Variants in CASK observed in about 807,000 individuals in gnomAD.
CASK encodes peripheral plasma membrane protein CASK.
In CASK, 4 loss-of-function variants were observed where a neutral mutation model predicts 82.9. The observed-to-expected ratio is 0.05, with a 90% CI of 0.02 to 0.11. The LOEUF (loss-of-function observed/expected upper bound fraction) is 0.11. Among genes scored for constraint, CASK ranks in the 10% least tolerant of loss-of-function variants. CASK has a pLI of 1.00. For synonymous variants in CASK, 259 were observed against 253.5 expected (o/e 1.02, Z -0.20); for missense variants, 358 against 720.9 (o/e 0.50, Z 5.76).
chrX:41,891,960 T>C (rs1046510745), intron 1 of CASK, among the ~76,000 whole-genome samples: 1 of 111,033 alleles, frequency 9.0e-6, no homozygotes, highest in Non-Finnish European at 1.9e-5. Flanking sequence ...GAGGCCAAGG[T>C]GGGAGGACTG....
intron 25 of CASK, among the ~76,000 whole-genome samples, chrX:41,530,710 C>T (rs2064789042): frequency 8.9e-6 from 1 of 112,196 alleles, no homozygotes; most frequent in Non-Finnish European, 1.9e-5. Context: ...GTCAGATGAT[C>T]GTAGGATTTC....
chrX:41,810,586 A>G (rs990042733), intron 2 of CASK, among the ~76,000 whole-genome samples: 1 of 111,490 alleles, frequency 9.0e-6, no homozygotes, highest in Non-Finnish European at 1.9e-5. Flanking sequence ...TGAAGGAAGC[A>G]CTAAATATAG....
rs1437012436 is a variant in CASK, at chrX:41,913,665, G to A, written c.59+9265C>T. On this transcript the variant is annotated intron_variant, in intron 1 of 26. Transcript: ENST00000378163. The stretch of plus-strand genomic sequence containing the variant: ...AGAGCCTGTGTTTAGCACTGAGAAT[G>A]TGCACATTTGGAAATTGTTGAAACT... Among the ~76,000 whole-genome samples, 3 of 112,581 alleles carry A rather than the reference G, an allele frequency of 2.7e-5. No individual in the cohort carries two copies. The Admixed American group carries it at 2.8e-4, about 11-fold the overall frequency.
intron 5 of CASK, among the ~76,000 whole-genome samples, chrX:41,685,761 G>A (rs942274327): frequency 1.8e-5 from 2 of 112,022 alleles, no homozygotes; most frequent in Non-Finnish European, 3.8e-5. Context: ...GGGATTACAA[G>A]CATGAAGAAC....
intron 4 of CASK, among the ~76,000 whole-genome samples, chrX:41,742,753 T>C (rs1350991114): frequency 1.8e-5 from 2 of 112,025 alleles, no homozygotes; most frequent in Non-Finnish European, 3.8e-5. Context: ...AATGGAAGAA[T>C]CTACGCGCCC....
At chrX:41,785,002 C>CT (rs368185380) in intron 3 of CASK, among the ~76,000 whole-genome samples, 810 of 74,762 alleles carry the variant, frequency 0.011, 7 homozygotes, top group African/African-American at 0.02. Context: ...TTTCAAAATT[C>CT]TTTTTTTTTT....
At chrX:41,751,609 G>T (rs1246261068) in intron 3 of CASK, among the ~76,000 whole-genome samples, 1 of 110,575 alleles carries the variant, frequency 9.0e-6, no homozygotes, top group African/African-American at 3.3e-5. Flanking sequence ...ACAGGGTCCA[G>T]TTGCTTTTGC....
At chrX:41,674,867 T>C (rs1451217323) in intron 5 of CASK, among the ~76,000 whole-genome samples, 7 of 111,273 alleles carry the variant, frequency 6.3e-5, no homozygotes, top group Non-Finnish European at 1.1e-4. Flanking sequence ...ATGAATTTAA[T>C]ACATGTGTTC....
intron 5 of CASK, among the ~76,000 whole-genome samples, chrX:41,706,317 G>T (rs2067884232): frequency 9.0e-6 from 1 of 111,036 alleles, no homozygotes; most frequent in Non-Finnish European, 1.9e-5. Context: ...CAAGTCTCAT[G>T]GCCCAGTAGT....
intron 5 of CASK, among the ~76,000 whole-genome samples, chrX:41,693,211 G>T (rs1413022690): frequency 9.0e-6 from 1 of 111,349 alleles, no homozygotes; most frequent in African/African-American, 3.3e-5. Context: ...CACAATATAG[G>T]TGGTTCCTCT....
chrX:41,740,637 A>T (rs2147722119), intron 4 of CASK, among the ~76,000 whole-genome samples: 1 of 112,159 alleles, frequency 8.9e-6, no homozygotes, highest in South Asian at 3.7e-4. Flanking sequence ...CATTTTAAAA[A>T]TGAAAGGTAG....
intron 4 of CASK, among the ~76,000 whole-genome samples, chrX:41,742,645 C>T (rs377438434): frequency 3.6e-5 from 4 of 111,843 alleles, no homozygotes; most frequent in East Asian, 2.8e-4. Context: ...TTCTTGCAGT[C>T]GGTCTCACTA....
intron 2 of CASK, among the ~76,000 whole-genome samples, chrX:41,796,226 C>G (rs2069850462): frequency 8.9e-6 from 1 of 112,781 alleles, no homozygotes; most frequent in Admixed American, 9.3e-5. Context: ...GCTGCATAAC[C>G]TTAGAACATC....
intron 2 of CASK, among the ~76,000 whole-genome samples, chrX:41,792,873 C>T (rs1020093582): frequency 6.6e-4 from 73 of 111,212 alleles, no homozygotes; most frequent in African/African-American, 2.3e-3. Context: ...ATTTTAAGTG[C>T]TCAATAACTG....
At chrX:41,665,135 A>T in intron 7 of CASK, 142 bp downstream of exon 7, 1 of 516,089 alleles carries the variant, frequency 1.9e-6, no homozygotes, top group East Asian at 3.6e-5. Flanking sequence ...CACTGGATCA[A>T]TGATGTAAGC....
chrX:41,659,394 A>C (rs755717422), intron 8 of CASK, among the ~76,000 whole-genome samples: 8 of 109,704 alleles, frequency 7.3e-5, no homozygotes, highest in African/African-American at 2.3e-4. Flanking sequence ...CGCTAGGCTA[A>C]TTTTTGTACT....
chrX:41,820,200 AAAGGT>A (rs2070503552), intron 2 of CASK, among the ~76,000 whole-genome samples: 1 of 110,612 alleles, frequency 9.0e-6, no homozygotes, highest in African/African-American at 3.3e-5. Context: ...GCTAGGGCAT[AAAGGT>A]AAGAAAAAGA....
chrX:41,902,011 AGCCC>A (rs972139094), intron 1 of CASK, among the ~76,000 whole-genome samples: 1 of 110,830 alleles, frequency 9.0e-6, no homozygotes. Flanking sequence ...ATGATCCTGG[AGCCC>A]GGATCCGCCA....
intron 15 of CASK, among the ~76,000 whole-genome samples, chrX:41,574,765 C>T (rs987752261): frequency 4.5e-5 from 5 of 111,777 alleles, no homozygotes; most frequent in African/African-American, 6.5e-5. Context: ...GAATTTGAGA[C>T]AGTTAAGGGT....
Sources: gnomAD v4.1 joint callset for allele counts (sites outside exome capture counted in the v4.1 genomes callset) on GRCh38, gnomAD v4.1.1 for gene constraint, MANE v1.5 for transcripts, NCBI Gene and HGNC (gene_info 2026-07-23, HGNC 2026-07-21) for gene names.